Variants in USP32 observed in about 807,000 individuals in gnomAD.
The protein encoded by USP32 is ubiquitin carboxyl-terminal hydrolase 32.
A neutral mutation model predicts 204.8 loss-of-function variants in USP32; 59 were observed. That is an observed-to-expected ratio of 0.29 (90% CI 0.23 to 0.36). USP32 has a LOEUF of 0.36. Ranked by LOEUF, USP32 falls within the 10% of genes least tolerant of loss-of-function variation. The pLI is 1.00. For synonymous variants in USP32, 517 were observed against 678.4 expected (o/e 0.76, Z 3.70); for missense variants, 1,160 against 1,946.4 (o/e 0.60, Z 7.60).
In USP32 at chr17:60,338,555, C is replaced by T. The variant is rs191895255; in HGVS notation, c.186+6926G>A. 1.3e-3 allele frequency among the ~76,000 whole-genome samples: 204 copies of T among 152,160 alleles called. 1 individual carries two copies. The highest frequency in any genetic ancestry group is 4.5e-3 in the African/African-American group (188 of 41,518). ...AGACCACCTGGGCAACATGGTGAAACCCCATCCCTACAAAAAACACAAAAA... is the reference window on the plus strand; with the variant it reads ...AGACCACCTGGGCAACATGGTGAAATCCCATCCCTACAAAAAACACAAAAA... On this transcript the variant is annotated intron_variant, in intron 2 of 33. Coordinates refer to ENST00000300896, the MANE Select transcript of USP32 (RefSeq NM_032582.4).
chr17:60,307,807 G>T (rs972920365), intron 2 of USP32, among the ~76,000 whole-genome samples: 3 of 152,044 alleles, frequency 2.0e-5, no homozygotes, highest in Admixed American at 6.6e-5. Context: ...CGCCCCCAAG[G>T]TGTGCCTATA....
intron 5 of USP32, among the ~76,000 whole-genome samples, chr17:60,285,288 A>T (rs2087082991): frequency 6.6e-6 from 1 of 152,218 alleles, no homozygotes; most frequent in Non-Finnish European, 1.5e-5. Context: ...ATAATTTTTT[A>T]AAAGGCTTTC....
chr17:60,288,809 T>A, intron 4 of USP32, 127 bp from the exon 5 acceptor site: 3 of 730,066 alleles, frequency 4.1e-6, no homozygotes, highest in Non-Finnish European at 6.7e-6. Flanking sequence ...AAGGATTATC[T>A]AATAACACTG....
intron 29 of USP32, among the ~76,000 whole-genome samples, chr17:60,187,705 A>T (rs1035353395): frequency 1.8e-4 from 28 of 152,382 alleles, no homozygotes; most frequent in African/African-American, 6.7e-4. Context: ...CTGATAAAAA[A>T]CATATTTGTG....
chr17:60,268,145 A>G (rs1387522751), intron 7 of USP32, among the ~76,000 whole-genome samples: 2 of 152,182 alleles, frequency 1.3e-5, no homozygotes, highest in Non-Finnish European at 2.9e-5. Flanking sequence ...TTCAAACACA[A>G]CATGCTAACA....
chr17:60,275,103 C>G (rs1017721586), intron 5 of USP32, among the ~76,000 whole-genome samples: 1 of 152,156 alleles, frequency 6.6e-6, no homozygotes, highest in African/African-American at 2.4e-5. Context: ...CTGTTACAGT[C>G]TAACACCAGA....
intron 4 of USP32, among the ~76,000 whole-genome samples, chr17:60,290,052 G>A (rs1387000744): frequency 1.3e-5 from 2 of 152,072 alleles, no homozygotes; most frequent in East Asian, 3.9e-4. Context: ...ATACAAATTG[G>A]GTCATTCTTG....
chr17:60,343,814 C>T, intron 2 of USP32, among the ~76,000 whole-genome samples: 1 of 152,152 alleles, frequency 6.6e-6, no homozygotes, highest in East Asian at 1.9e-4. Flanking sequence ...GGTAGGTCAC[C>T]TGCGGTCAGG....
At chr17:60,334,522 C>T (rs1480976569) in intron 2 of USP32, among the ~76,000 whole-genome samples, 1 of 151,732 alleles carries the variant, frequency 6.6e-6, no homozygotes, top group Non-Finnish European at 1.5e-5. Context: ...GAAACCTCGT[C>T]TCTACTAAAA....
At chr17:60,342,235 A>G (rs1393668721) in intron 2 of USP32, among the ~76,000 whole-genome samples, 1 of 152,192 alleles carries the variant, frequency 6.6e-6, no homozygotes, top group African/African-American at 2.4e-5. Context: ...TCACCAGTAG[A>G]GGCTGCAGAA....
chr17:60,313,951 CAAAA>C (rs2087912625), intron 2 of USP32, among the ~76,000 whole-genome samples: 2 of 148,702 alleles, frequency 1.3e-5, no homozygotes, highest in South Asian at 4.3e-4. Context: ...AATTATGAGG[CAAAA>C]GAATGACAGA....
At position 60,217,737 on chromosome 17, in the gene USP32, A is replaced by G. The variant is rs1223814855; in HGVS notation, c.1867+1933T>C. On this transcript the variant is annotated intron_variant, in intron 16 of 33. Transcript: ENST00000300896. ...CCTTTTTTAAAAAATGGTTTCCTTC[A>G]CTTTTTATTTTTTTTTAAGAGACAA... 2.6e-5 allele frequency among the ~76,000 whole-genome samples: 4 copies of G among 151,140 alleles called. No individual in the cohort carries two copies. The East Asian group carries it at 7.8e-4, about 29-fold the overall frequency.
intron 5 of USP32, among the ~76,000 whole-genome samples, chr17:60,273,546 T>A (rs920605907): frequency 2.0e-5 from 3 of 152,070 alleles, no homozygotes; most frequent in Non-Finnish European, 2.9e-5. Context: ...AAACACAAGT[T>A]CCTTTTTTAA....
chr17:60,408,412 C>CT (rs1285415768), intron 1 of USP32, among the ~76,000 whole-genome samples: 1 of 151,878 alleles, frequency 6.6e-6, no homozygotes. Flanking sequence ...GAGTCTCGCT[C>CT]TGTCCCCCAG....
chr17:60,420,317 G>T (rs147857748), intron 1 of USP32, among the ~76,000 whole-genome samples: 1 of 152,096 alleles, frequency 6.6e-6, no homozygotes, highest in East Asian at 1.9e-4. Context: ...TTAAAACTTA[G>T]CATTATATAA....
chr17:60,333,432 T>C (rs757910939), intron 2 of USP32, among the ~76,000 whole-genome samples: 9 of 152,048 alleles, frequency 5.9e-5, no homozygotes, highest in Non-Finnish European at 1.3e-4. Context: ...AACCCCCATC[T>C]CTACTACAAA....
At chr17:60,399,017 T>G (rs918727701) in intron 1 of USP32, among the ~76,000 whole-genome samples, 2 of 151,936 alleles carry the variant, frequency 1.3e-5, no homozygotes, top group African/African-American at 2.4e-5. Context: ...CTCTAGAAAG[T>G]CCTACAATAC....
chr17:60,268,452 A>G (rs1240623295), intron 7 of USP32, among the ~76,000 whole-genome samples: 1 of 151,496 alleles, frequency 6.6e-6, no homozygotes, highest in Non-Finnish European at 1.5e-5. Flanking sequence ...ACATGCCTGT[A>G]GTCCCAGCTA....
intron 9 of USP32, among the ~76,000 whole-genome samples, chr17:60,259,196 C>T (rs1252255730): frequency 1.3e-5 from 2 of 152,120 alleles, no homozygotes; most frequent in Admixed American, 6.6e-5. Flanking sequence ...GATGCATTTA[C>T]AGATCACTTC....
Sources: gnomAD v4.1 joint callset for allele counts (sites outside exome capture counted in the v4.1 genomes callset) on GRCh38, gnomAD v4.1.1 for gene constraint, MANE v1.5 for transcripts, NCBI Gene and HGNC (gene_info 2026-07-23, HGNC 2026-07-21) for gene names.